TEAD1: variants seen among roughly 807,000 people sequenced by gnomAD.
TEAD1 encodes the protein TEA domain transcription factor 1, also known as transcriptional enhancer factor TEF-1.
Under a neutral mutation model 54.9 loss-of-function variants are expected in TEAD1, and 9 were observed. The ratio of observed to expected loss-of-function variants is 0.16; its 90% CI spans 0.10 to 0.29. The LOEUF (loss-of-function observed/expected upper bound fraction) is 0.29. Ranked by LOEUF, TEAD1 falls within the 10% of genes least tolerant of loss-of-function variation. TEAD1 has a pLI of 1.00. For missense variants in TEAD1, 387 were observed against 535.9 expected, an observed-to-expected ratio of 0.72 and a Z score of 2.74; for synonymous variants, 200 against 187.8, an observed-to-expected ratio of 1.07 and a Z score of -0.53.
intron 2 of TEAD1, among the ~76,000 whole-genome samples, chr11:12,762,896 C>T (rs1319709741): frequency 6.6e-6 from 1 of 152,100 alleles, no homozygotes; most frequent in Non-Finnish European, 1.5e-5. Flanking sequence ...GCCACCAGCA[C>T]CTGCTTCCCT....
chr11:12,866,738 G>A lies in TEAD1; in HGVS notation c.330+1838G>A, dbSNP rs11022520. Among the ~76,000 whole-genome samples the A allele has an allele frequency of 1.6e-3, 245 of 152,214 alleles. 1 individual carries two copies. Among genetic ancestry groups the A allele is most frequent in the African/African-American group, 5.3e-3 (219 of 41,536 alleles). On this transcript the variant is annotated intron_variant, in intron 5 of 12. Transcript: ENST00000527636. Reference sequence around the variant, plus strand: ...CCTCCGTCTTCTTGTAGTTTCTTCCGTTCTTTCCTACCATATTGTTCTTGG... The same window carrying A: ...CCTCCGTCTTCTTGTAGTTTCTTCCATTCTTTCCTACCATATTGTTCTTGG...
At chr11:12,732,755 G>C (rs1180039444) in intron 2 of TEAD1, among the ~76,000 whole-genome samples, 9 of 152,200 alleles carry the variant, frequency 5.9e-5, no homozygotes, top group African/African-American at 2.2e-4. Flanking sequence ...AGTGGAAAAG[G>C]AGATGATGTT....
intron 3 of TEAD1, among the ~76,000 whole-genome samples, chr11:12,797,747 C>T (rs1020121646): frequency 2.0e-5 from 3 of 152,094 alleles, no homozygotes; most frequent in African/African-American, 4.8e-5. Flanking sequence ...CCAAAACATC[C>T]CATACATTGA....
At position 12,826,661 on chromosome 11, in the gene TEAD1, C is replaced by A. The variant is rs1459104374; in HGVS notation, c.203-35589C>A. 2.0e-5 allele frequency among the ~76,000 whole-genome samples: 3 copies of A among 152,194 alleles called. No homozygotes were observed. In the East Asian group the frequency reaches 5.8e-4, roughly 29 times the overall value. On this transcript the variant is annotated intron_variant, in intron 3 of 12. Coordinates refer to ENST00000527636, the MANE Select transcript of TEAD1 (RefSeq NM_021961.6). Reference sequence around the variant, plus strand: ...CTTAACTCCATCAAATCCTTCACTTCATCTGCAAAATAGAGATAAGAAAAT... The same window carrying A: ...CTTAACTCCATCAAATCCTTCACTTAATCTGCAAAATAGAGATAAGAAAAT...
intron 3 of TEAD1, among the ~76,000 whole-genome samples, chr11:12,838,095 C>A (rs1009207407): frequency 1.3e-5 from 2 of 152,170 alleles, no homozygotes; most frequent in African/African-American, 4.8e-5. Context: ...CCGTGCCCAG[C>A]CTAATCTATG....
At chr11:12,680,805 T>C (rs976743135) in intron 2 of TEAD1, among the ~76,000 whole-genome samples, 2 of 152,202 alleles carry the variant, frequency 1.3e-5, no homozygotes, top group African/African-American at 4.8e-5. Context: ...GCTGGGTTTC[T>C]GTCTGATGGT....
At chr11:12,689,302 G>T (rs1306934049) in intron 2 of TEAD1, among the ~76,000 whole-genome samples, 1 of 152,138 alleles carries the variant, frequency 6.6e-6, no homozygotes, top group Non-Finnish European at 1.5e-5. Context: ...AGAGTTCCCA[G>T]CACTCTTGAT....
chr11:12,700,619 G>A (rs746389176), intron 2 of TEAD1, among the ~76,000 whole-genome samples: 1 of 152,118 alleles, frequency 6.6e-6, no homozygotes, highest in African/African-American at 2.4e-5. Context: ...TATGATAGGA[G>A]GATTTCTAGA....
chr11:12,714,172 G>A (rs1334030364), intron 2 of TEAD1, among the ~76,000 whole-genome samples: 3 of 152,156 alleles, frequency 2.0e-5, no homozygotes, highest in Non-Finnish European at 2.9e-5. Context: ...CATCAGGGCG[G>A]TAGCTGGGAG....
At position 12,930,191 on chromosome 11, in the gene TEAD1, T is replaced by C. The variant is rs763399779; in HGVS notation, c.1032T>C (p.Phe344=). 1 of 1,614,060 alleles carries C rather than the reference T, an allele frequency of 6.2e-7. No individual in the cohort carries two copies. ...CCTCACAGACGGAGTATGCAAGGTT[T>C]GAGAATGGCCGATTTGTATACCGAA... The change falls in exon 12 of 13, where the codon TTT becomes TTC. Residue 344 remains phenylalanine, a synonymous_variant. Coordinates refer to ENST00000527636, the MANE Select transcript of TEAD1 (RefSeq NM_021961.6).
intron 2 of TEAD1, among the ~76,000 whole-genome samples, chr11:12,740,483 G>A (rs1373242011): frequency 6.6e-6 from 1 of 152,182 alleles, no homozygotes; most frequent in Non-Finnish European, 1.5e-5. Context: ...TGTTTTCATA[G>A]TGCTATGAAG....
chr11:12,769,946 G>C (rs1360966347), intron 3 of TEAD1, among the ~76,000 whole-genome samples: 1 of 152,164 alleles, frequency 6.6e-6, no homozygotes, highest in Non-Finnish European at 1.5e-5. Flanking sequence ...TGTAAGCCCT[G>C]AGGGCCTCTC....
chr11:12,909,329 G>A (rs1175520424), intron 10 of TEAD1, among the ~76,000 whole-genome samples: 1 of 152,026 alleles, frequency 6.6e-6, no homozygotes, highest in Admixed American at 6.6e-5. Flanking sequence ...GTCTATTATT[G>A]AATACTATGC....
At chr11:12,749,901 G>C (rs1944831143) in intron 2 of TEAD1, among the ~76,000 whole-genome samples, 1 of 152,186 alleles carries the variant, frequency 6.6e-6, no homozygotes, top group African/African-American at 2.4e-5. Flanking sequence ...CCAAGGACCA[G>C]GTTTACATTT....
chr11:12,690,006 C>T (rs182663977), intron 2 of TEAD1, among the ~76,000 whole-genome samples: 8 of 151,976 alleles, frequency 5.3e-5, no homozygotes, highest in Admixed American at 1.3e-4. Flanking sequence ...TTTGGGAGGC[C>T]GAGGTGGGCG....
chr11:12,809,725 G>A (rs1946253115), intron 3 of TEAD1, among the ~76,000 whole-genome samples: 2 of 152,176 alleles, frequency 1.3e-5, no homozygotes. Context: ...TCACCACTGG[G>A]GGCTGGCTGG....
intron 2 of TEAD1, among the ~76,000 whole-genome samples, chr11:12,720,873 C>CAGA (rs1424904357): frequency 6.6e-6 from 1 of 152,186 alleles, no homozygotes; most frequent in Non-Finnish European, 1.5e-5. Flanking sequence ...GGACAGTCCT[C>CAGA]AGAAAATGTG....
intron 3 of TEAD1, among the ~76,000 whole-genome samples, chr11:12,788,407 C>T (rs1010596234): frequency 1.1e-4 from 17 of 152,080 alleles, no homozygotes; most frequent in Admixed American, 2.6e-4. Flanking sequence ...GCTAGGATTA[C>T]AGGCATGAGC....
chr11:12,888,636 A>G (rs754738122), intron 9 of TEAD1, among the ~76,000 whole-genome samples: 4 of 152,210 alleles, frequency 2.6e-5, no homozygotes, highest in Admixed American at 2.0e-4. Context: ...GGCTCACCAC[A>G]TATGTCACCC....
Sources: allele counts gnomAD v4.1 joint callset (sites outside exome capture counted in the v4.1 genomes callset), GRCh38; gene constraint gnomAD v4.1.1; transcripts MANE v1.5; gene names NCBI Gene and HGNC (gene_info 2026-07-23, HGNC 2026-07-21).